Variants in TRMT11 observed in about 807,000 individuals in gnomAD.
TRMT11 encodes tRNA (guanine(10)-N(2))-methyltransferase TRMT11.
A neutral mutation model predicts 62.8 loss-of-function variants in TRMT11; 53 were observed. The ratio of observed to expected loss-of-function variants is 0.84; its 90% CI spans 0.68 to 1.06. The LOEUF (loss-of-function observed/expected upper bound fraction) is 1.06, where lower values mean the gene tolerates loss of function less well. TRMT11 is among the 50% of genes least tolerant of loss of function. TRMT11 has a pLI of 0.00. For synonymous variants in TRMT11, 188 were observed against 190.3 expected (o/e 0.99, Z 0.10); for missense variants, 556 against 553.4 (o/e 1.00, Z -0.05).
At chr6:126,058,395 G>A (rs1776432180) in intron 17 of TRMT11, among the ~76,000 whole-genome samples, 1 of 152,148 alleles carries the variant, frequency 6.6e-6, no homozygotes, top group Non-Finnish European at 1.5e-5. Context: ...TTGCTATTGT[G>A]AACAGTGCTG....
intron 7 of TRMT11, among the ~76,000 whole-genome samples, chr6:126,008,161 T>G (rs999639956): frequency 4.4e-4 from 67 of 152,178 alleles, no homozygotes; most frequent in South Asian, 1.0e-3. Flanking sequence ...TAGTGCTGTT[T>G]AAAATAATGA....
chr6:126,018,729 GA>G (rs768458132), intron 11 of TRMT11, among the ~76,000 whole-genome samples: 31 of 152,134 alleles, frequency 2.0e-4, no homozygotes, highest in Non-Finnish European at 4.1e-4. Flanking sequence ...ATTGTAGGGG[GA>G]TATTAATAAA....
intron 21 of TRMT11, among the ~76,000 whole-genome samples, chr6:126,124,565 T>C (rs138445298): frequency 1.1e-3 from 174 of 152,260 alleles, no homozygotes; most frequent in African/African-American, 4.1e-3. Context: ...GGATTGACAC[T>C]GTATCACTTC....
chr6:126,001,213 T>C (rs2128773485), intron 7 of TRMT11, among the ~76,000 whole-genome samples: 1 of 152,282 alleles, frequency 6.6e-6, no homozygotes, highest in African/African-American at 2.4e-5. Flanking sequence ...CCAGTAATAT[T>C]AATATTTTTG....
intron 1 of TRMT11, among the ~76,000 whole-genome samples, chr6:126,194,083 T>C (rs1245765053): frequency 6.6e-6 from 1 of 152,166 alleles, no homozygotes; most frequent in Non-Finnish European, 1.5e-5. Context: ...CTTTTTGACC[T>C]AATATATGGT....
chr6:126,181,546 TG>T (rs1046531384), intron 1 of TRMT11, among the ~76,000 whole-genome samples: 1 of 152,188 alleles, frequency 6.6e-6, no homozygotes, highest in African/African-American at 2.4e-5. Flanking sequence ...AAGGGTTTTG[TG>T]GGTTGGACCA....
chr6:126,241,543 C>T, the TRMT11 span, among the ~76,000 whole-genome samples: 2 of 152,152 alleles, frequency 1.3e-5, no homozygotes, highest in Admixed American at 6.5e-5. Flanking sequence ...CAAAAATCCT[C>T]AATAAAATAC....
At chr6:126,049,888 G>GT (rs1167673119) in intron 16 of TRMT11, among the ~76,000 whole-genome samples, 1 of 152,222 alleles carries the variant, frequency 6.6e-6, no homozygotes, top group Non-Finnish European at 1.5e-5. Flanking sequence ...AAGTTCAGAT[G>GT]TGAGAATGTG....
intron 17 of TRMT11, among the ~76,000 whole-genome samples, chr6:126,101,695 G>A (rs1034022764): frequency 2.5e-4 from 38 of 152,210 alleles, no homozygotes; most frequent in African/African-American, 8.0e-4. Context: ...ATTTTCAGAC[G>A]TGGACAGCTG....
At chr6:126,217,401 C>T in the TRMT11 span, among the ~76,000 whole-genome samples, 24 of 152,080 alleles carry the variant, frequency 1.6e-4, no homozygotes, top group African/African-American at 9.7e-5. Flanking sequence ...GTATTTGAAG[C>T]GACTTGGGTG....
At chr6:126,159,867 C>T (rs998400386) in intron 21 of TRMT11, among the ~76,000 whole-genome samples, 1 of 152,172 alleles carries the variant, frequency 6.6e-6, no homozygotes. Context: ...CTTCTCCTCT[C>T]TCTCTTGTTT....
the TRMT11 span, among the ~76,000 whole-genome samples, chr6:126,232,046 T>C: frequency 7.9e-5 from 12 of 152,200 alleles, no homozygotes; most frequent in African/African-American, 2.9e-4. Flanking sequence ...TATAATCATA[T>C]GGTAAATCTT....
chr6:126,119,729 G>A (rs1305129099), intron 21 of TRMT11, among the ~76,000 whole-genome samples: 1 of 152,026 alleles, frequency 6.6e-6, no homozygotes, highest in African/African-American at 2.4e-5. Context: ...TGCAAATTGA[G>A]TGTAAGTTGA....
intron 21 of TRMT11, among the ~76,000 whole-genome samples, chr6:126,148,749 T>C (rs1009053228): frequency 2.0e-5 from 3 of 152,214 alleles, no homozygotes; most frequent in Admixed American, 1.3e-4. Context: ...CTAGATTAGA[T>C]TGATAATAGT....
At chr6:126,113,757 T>A (rs1196082916) in intron 18 of TRMT11, among the ~76,000 whole-genome samples, 1 of 152,076 alleles carries the variant, frequency 6.6e-6, no homozygotes, top group African/African-American at 2.4e-5. Context: ...AAGTAGGCTC[T>A]CAATATTAGC....
In TRMT11 at chr6:126,016,281, A is replaced by G. The variant is rs181673929; in HGVS notation, c.1139+3180A>G. Among the ~76,000 whole-genome samples the G allele has an allele frequency of 4.3e-3, 657 of 152,242 alleles. 4 individuals are homozygous for G. Among genetic ancestry groups the G allele is most frequent in the Admixed American group, 9.2e-3 (140 of 15,296 alleles). Reference sequence around the variant, plus strand: ...GTGGTATGGAGTCATGGATTCCTATATTATTCATTGGGTTGTAATTTATTA... The same window carrying G: ...GTGGTATGGAGTCATGGATTCCTATGTTATTCATTGGGTTGTAATTTATTA... On this transcript the variant is annotated intron_variant, in intron 11 of 12. Coordinates refer to ENST00000334379, the MANE Select transcript of TRMT11 (RefSeq NM_001031712.3).
the TRMT11 span, among the ~76,000 whole-genome samples, chr6:126,245,919 G>C: frequency 6.6e-6 from 1 of 152,074 alleles, no homozygotes; most frequent in Non-Finnish European, 1.5e-5. Context: ...GCAACATATT[G>C]AGATCCCATC....
chr6:126,258,528 C>T, the TRMT11 span, among the ~76,000 whole-genome samples: 1 of 152,220 alleles, frequency 6.6e-6, no homozygotes, highest in Admixed American at 6.5e-5. Context: ...TTGCTGCGCC[C>T]CTGACTTTTT....
At chr6:126,001,617 ATTTTT>A (rs899836773) in intron 7 of TRMT11, among the ~76,000 whole-genome samples, 12 of 150,840 alleles carry the variant, frequency 8.0e-5, no homozygotes, top group African/African-American at 2.9e-4. Context: ...ATTTTATTTT[ATTTTT>A]TTTCTTGCTA....
Sources: gnomAD v4.1 joint callset for allele counts (sites outside exome capture counted in the v4.1 genomes callset) on GRCh38, gnomAD v4.1.1 for gene constraint, MANE v1.5 for transcripts, NCBI Gene and HGNC (gene_info 2026-07-23, HGNC 2026-07-21) for gene names.